NHSL2: variants seen among roughly 807,000 people sequenced by gnomAD.
The protein encoded by NHSL2 is NHS-like protein 2.
Under a neutral mutation model 53.4 loss-of-function variants are expected in NHSL2, and 27 were observed. The ratio of observed to expected loss-of-function variants is 0.51; its 90% CI spans 0.37 to 0.70. The LOEUF is 0.70. NHSL2 is among the 30% of genes least tolerant of loss of function. NHSL2 has a pLI of 0.00. For missense variants in NHSL2, 892 were observed against 980.1 expected, an observed-to-expected ratio of 0.91 and a Z score of 1.20; for synonymous variants, 408 against 404.1, an observed-to-expected ratio of 1.01 and a Z score of -0.12.
At chrX:72,073,453 G>C (rs1489273532) in intron 1 of NHSL2, among the ~76,000 whole-genome samples, 1 of 112,101 alleles carries the variant, frequency 8.9e-6, no homozygotes, top group Non-Finnish European at 1.9e-5. Flanking sequence ...GTGGTGGGGA[G>C]GGGGATGCAT....
intron 1 of NHSL2, among the ~76,000 whole-genome samples, chrX:72,098,840 A>G (rs1299291370): frequency 8.9e-6 from 1 of 112,053 alleles, no homozygotes; most frequent in East Asian, 2.8e-4. Context: ...GAGAGTTTCA[A>G]GTGAAACATA....
At chrX:72,000,981 C>T (rs1422646611) in intron 1 of NHSL2, among the ~76,000 whole-genome samples, 1 of 111,931 alleles carries the variant, frequency 8.9e-6, no homozygotes, top group Non-Finnish European at 1.9e-5. Flanking sequence ...ATGACCTTCT[C>T]CTGCCTCACC....
At chrX:72,086,039 C>G (rs2041840357) in intron 1 of NHSL2, among the ~76,000 whole-genome samples, 1 of 111,836 alleles carries the variant, frequency 8.9e-6, no homozygotes, top group African/African-American at 3.3e-5. Context: ...TCTGCCTGGT[C>G]CCAGAGTTCA....
intron 1 of NHSL2, among the ~76,000 whole-genome samples, chrX:72,090,594 T>C (rs1159254462): frequency 1.8e-5 from 2 of 111,690 alleles, no homozygotes; most frequent in African/African-American, 6.5e-5. Flanking sequence ...TTTAAAGTAC[T>C]ATATGTCTGT....
At chrX:72,120,784 C>G (rs1307021172) in intron 1 of NHSL2, among the ~76,000 whole-genome samples, 1 of 112,761 alleles carries the variant, frequency 8.9e-6, no homozygotes, top group Non-Finnish European at 1.9e-5. Context: ...TATGTCTCCT[C>G]AGCTAACTGA....
rs1225084278 is a variant in NHSL2, at chrX:72,139,664, C to T, written c.2116C>T (p.Pro706Ser). 1 of 1,211,301 alleles carries T rather than the reference C, an allele frequency of 8.3e-7. No individual in the cohort carries two copies. Among genetic ancestry groups the T allele is most frequent in the South Asian group, 1.8e-5 (1 of 56,926 alleles). Residue 706 changes from proline to serine, a missense_variant, in exon 6 of 8, where the codon CCT becomes TCT. Coordinates refer to ENST00000633930, the MANE Select transcript of NHSL2 (RefSeq NM_001013627.3). ...AREISSPGRP[P>S]GLMSPSSGYS... Reference sequence around the variant, plus strand: ...GGAGATATCATCCCCGGGAAGGCCCCCTGGACTGATGTCACCCTCCAGTGG... The same window carrying T: ...GGAGATATCATCCCCGGGAAGGCCCTCTGGACTGATGTCACCCTCCAGTGG...
chrX:72,062,493 G>A lies in NHSL2; in HGVS notation c.281-69586G>A, dbSNP rs547299107. 4.3e-4 allele frequency among the ~76,000 whole-genome samples: 48 copies of A among 112,122 alleles called. 1 individual carries two copies. In the South Asian group the frequency reaches 0.018, roughly 42 times the overall value. On this transcript the variant is annotated intron_variant, in intron 1 of 7. Coordinates refer to ENST00000633930, the MANE Select transcript of NHSL2 (RefSeq NM_001013627.3). ...GTTGGCAGAATGTGAACTACAGATA[G>A]GTTGGGTTGAGTCAGCAGAGAGGTT... is the stretch of plus-strand genomic sequence containing the variant.
chrX:71,962,222 A>T (rs1045591275), intron 1 of NHSL2, among the ~76,000 whole-genome samples: 1 of 111,670 alleles, frequency 9.0e-6, no homozygotes, highest in Non-Finnish European at 1.9e-5. Context: ...TCAGCCTGCT[A>T]ATTTTTTCTT....
rs2042034400 is a variant in NHSL2 at position 72,105,917 on chromosome X, T to G, written c.281-26162T>G. 5.3e-5 allele frequency among the ~76,000 whole-genome samples: 6 copies of G among 112,394 alleles called. No individual in the cohort carries two copies. In the South Asian group the frequency reaches 1.8e-3, roughly 34 times the overall value. ...AAATTTACAGTAGCTCTAGGAAACTTGAATCCATGAGGCCGGGCGCGGTGG... is the reference window on the plus strand; with the variant it reads ...AAATTTACAGTAGCTCTAGGAAACTGGAATCCATGAGGCCGGGCGCGGTGG... On this transcript the variant is annotated intron_variant, in intron 1 of 7. Transcript: ENST00000633930.
At position 72,150,671 on chromosome X, in the gene NHSL2, G is replaced by A. The variant is rs745975826; in HGVS notation, c.*7097G>A. On this transcript the variant is annotated 3_prime_UTR_variant, in exon 8 of 8. Coordinates refer to ENST00000633930, the MANE Select transcript of NHSL2 (RefSeq NM_001013627.3). ...CTTAGTGTGGCTCTCTCTTTAGTTGGGGCCTCCTTCCTTAGTACATGCATA... is the reference window on the plus strand; with the variant it reads ...CTTAGTGTGGCTCTCTCTTTAGTTGAGGCCTCCTTCCTTAGTACATGCATA... 1 of 112,010 alleles carries A rather than the reference G, an allele frequency of 8.9e-6. No individual in the cohort carries two copies. The highest frequency in any genetic ancestry group is 2.8e-4 in the East Asian group (1 of 3,565). 9.2% of individuals were successfully genotyped at this position (112,010 alleles called of 1,213,427 possible). A position where few individuals can be genotyped will look rare whatever the true frequency, so the allele number is the denominator to read the frequency against.
chrX:72,005,636 C>T (rs930416184), intron 1 of NHSL2, among the ~76,000 whole-genome samples: 1 of 111,576 alleles, frequency 9.0e-6, no homozygotes. Context: ...AAGGCAACCT[C>T]CAAGGTGTGA....
intron 1 of NHSL2, among the ~76,000 whole-genome samples, chrX:72,018,240 G>A (rs1404494202): frequency 1.8e-5 from 2 of 111,465 alleles, no homozygotes; most frequent in Non-Finnish European, 3.8e-5. Flanking sequence ...CATGCAGCTT[G>A]ATGCTATGGA....
intron 1 of NHSL2, among the ~76,000 whole-genome samples, chrX:72,037,466 G>A (rs780247852): frequency 3.6e-5 from 4 of 111,172 alleles, no homozygotes; most frequent in African/African-American, 1.3e-4. Context: ...GCCTACTTTT[G>A]TGGGCTGTGG....
rs985989551 is a variant in NHSL2 at position 72,142,273 on chromosome X, A to C, written c.3265A>C (p.Ser1089Arg). The C allele has an allele frequency of 8.6e-7, 1 of 1,158,342 alleles. No homozygotes were observed. The highest frequency in any genetic ancestry group is 1.2e-6 in the Non-Finnish European group (1 of 866,426). Residue 1089 changes from serine (S) to arginine (R), a missense_variant, in exon 7 of 8, where the codon AGT (serine) becomes CGT (arginine). Ser to Arg is a moderately radical substitution (Grantham distance 110, BLOSUM62 -1). Coordinates refer to ENST00000633930, the MANE Select transcript of NHSL2 (RefSeq NM_001013627.3). ...AGGCACCGAAGAAAAAAGTTTAATC[A>C]GTGATAAAACAGCTGAATGGATTGC... Reference protein sequence around the residue: ...EPGTEEKSLISDKTAEWIAED... With the variant: ...EPGTEEKSLIRDKTAEWIAED...
Position 72,139,920 on chromosome X carries a change from G to A in NHSL2, c.2372G>A (p.Arg791Gln), listed in dbSNP as rs762020095. Reference protein sequence around the residue: ...LDLSGMSISIRSKTKVSRHHS... With the variant: ...LDLSGMSISIQSKTKVSRHHS... Reference sequence around the variant, plus strand: ...CTGTCTGGGATGAGTATCTCCATCCGAAGCAAAACTAAGGTGAGTCGGCAC... The same window carrying A: ...CTGTCTGGGATGAGTATCTCCATCCAAAGCAAAACTAAGGTGAGTCGGCAC... Residue 791 changes from arginine to glutamine, a missense_variant, in exon 6 of 8, where the codon CGA becomes CAA. Coordinates refer to ENST00000633930, the MANE Select transcript of NHSL2 (RefSeq NM_001013627.3). 3 of 1,210,719 alleles carry A rather than the reference G, an allele frequency of 2.5e-6. No homozygotes were observed. Among genetic ancestry groups the A allele is most frequent in the South Asian group, 3.5e-5 (2 of 56,807 alleles).
Position 71,910,886 on chromosome X carries a change from G to A in NHSL2, c.-202G>A, listed in dbSNP as rs1469462561. 1 of 240,159 alleles carries A rather than the reference G, an allele frequency of 4.2e-6. No homozygotes were observed. Among genetic ancestry groups the A allele is most frequent in the Non-Finnish European group, 7.3e-6 (1 of 136,914 alleles). The allele number at this position is 240,159 out of a possible 1,213,427, so 19.8% of individuals were successfully genotyped here. ...CCGGCGAGTGTGCAGCCCCGGGGGA[G>A]CCGGCGCTCTAGGCGAGGAACCCGT... On this transcript the variant is annotated 5_prime_UTR_variant, in exon 1 of 8. Coordinates refer to ENST00000633930, the MANE Select transcript of NHSL2 (RefSeq NM_001013627.3).
At chrX:72,103,021 G>A (rs905369723) in intron 1 of NHSL2, among the ~76,000 whole-genome samples, 8 of 112,340 alleles carry the variant, frequency 7.1e-5, no homozygotes, top group African/African-American at 2.6e-4. Context: ...GGCTGCCTAG[G>A]ACAAACATTC....
intron 1 of NHSL2, among the ~76,000 whole-genome samples, chrX:71,964,310 A>G (rs1213640036): frequency 1.1e-5 from 1 of 95,154 alleles, no homozygotes; most frequent in Admixed American, 1.2e-4. Flanking sequence ...GGGAACATGC[A>G]GTGTTTGGTT....
intron 1 of NHSL2, 140 bp from the exon 2 acceptor site, chrX:72,131,939 C>T (rs1311971573): frequency 3.6e-6 from 2 of 562,496 alleles, no homozygotes; most frequent in African/African-American, 4.8e-5. Flanking sequence ...GCCGGCGATT[C>T]CCCGCCTTTT....
Sources: allele counts gnomAD v4.1 joint callset (sites outside exome capture counted in the v4.1 genomes callset), GRCh38; gene constraint gnomAD v4.1.1; transcripts MANE v1.5; gene names NCBI Gene and HGNC (gene_info 2026-07-23, HGNC 2026-07-21).